The following ZNF782 variants were observed in gnomAD, a reference collection of about 807,000 sequenced individuals.
ZNF782 encodes the protein zinc finger protein 782.
ZNF782 carries 12 observed loss-of-function variants against 13.0 expected under a neutral mutation model. That is an observed-to-expected ratio of 0.92 (90% CI 0.59 to 1.50). The LOEUF (loss-of-function observed/expected upper bound fraction) is 1.50, where lower values mean the gene tolerates loss of function less well. Ranked by LOEUF, ZNF782 falls within the 40% of genes most tolerant of loss-of-function variation. The pLI, the probability that ZNF782 is intolerant of heterozygous loss-of-function variation, is 0.00. For missense variants in ZNF782, 770 were observed against 822.9 expected, an observed-to-expected ratio of 0.94 and a Z score of 0.79; for synonymous variants, 284 against 283.0, an observed-to-expected ratio of 1.00 and a Z score of -0.04.
chr9:96,884,079 C>A, the ZNF782 span, among the ~76,000 whole-genome samples: 2 of 152,224 alleles, frequency 1.3e-5, no homozygotes. Context: ...CCTGTGGAAG[C>A]AAGCAAGGGA....
chr9:96,870,310 G>T (rs1312779996), intron 1 of ZNF782, among the ~76,000 whole-genome samples: 1 of 152,176 alleles, frequency 6.6e-6, no homozygotes, highest in Non-Finnish European at 1.5e-5. Context: ...AAAGGAAAAG[G>T]TCTTTGAGTT....
chr9:96,818,341 G>C lies in ZNF782; in HGVS notation c.1682C>G (p.Pro561Arg). Reference sequence around the variant, plus strand: ...TTCCCCACAATGATTACATTTATAGGGTTTTTCCCCTGTGTGAATTCTATG... The same window carrying C: ...TTCCCCACAATGATTACATTTATAGCGTTTTTCCCCTGTGTGAATTCTATG... ...GHHRIHTGEKPYKCNHCGEAF... is the reference protein window; with the variant it reads ...GHHRIHTGEKRYKCNHCGEAF... The change falls in exon 6 of 6, where the codon CCC becomes CGC. Residue 561 changes from proline to arginine, a missense_variant. Transcript: ENST00000481138. The C allele has an allele frequency of 6.2e-7, 1 of 1,614,028 alleles. No homozygotes were observed. The highest frequency in any genetic ancestry group is 8.5e-7 in the Non-Finnish European group (1 of 1,180,000).
the ZNF782 span, chr9:96,889,218 G>A: frequency 1.3e-5 from 2 of 152,156 alleles, no homozygotes; most frequent in African/African-American, 4.8e-5. Flanking sequence ...TGGACGCTCA[G>A]TAGCACCCTT....
chr9:96,901,879 A>G, the ZNF782 span, among the ~76,000 whole-genome samples: 1 of 150,266 alleles, frequency 6.7e-6, no homozygotes, highest in African/African-American at 2.4e-5. Flanking sequence ...CAAAAAAAAA[A>G]AAAAAAAAAA....
At chr9:96,829,366 C>A (rs1000829853) in intron 4 of ZNF782, among the ~76,000 whole-genome samples, 1 of 151,842 alleles carries the variant, frequency 6.6e-6, no homozygotes, top group Non-Finnish European at 1.5e-5. Context: ...ATATAAATAG[C>A]ACATATAAAG....
intron 4 of ZNF782, among the ~76,000 whole-genome samples, chr9:96,838,774 G>A (rs1202001171): frequency 6.7e-6 from 1 of 149,308 alleles, no homozygotes; most frequent in Non-Finnish European, 1.5e-5. Context: ...GGAGTGCAGT[G>A]GAGTGATCTT....
intron 3 of ZNF782, among the ~76,000 whole-genome samples, chr9:96,847,327 A>G (rs1277533930): frequency 6.6e-6 from 1 of 152,196 alleles, no homozygotes; most frequent in African/African-American, 2.4e-5. Context: ...TAAAGATCAA[A>G]GTAGAACTAA....
the ZNF782 span, chr9:96,892,166 T>C: frequency 6.6e-6 from 1 of 152,208 alleles, no homozygotes; most frequent in Non-Finnish European, 1.5e-5. Flanking sequence ...CCTGGGTATA[T>C]GCCCTTGTTG....
the ZNF782 span, among the ~76,000 whole-genome samples, chr9:96,903,557 T>TTG: frequency 0.11 from 610 of 5,378 alleles, 10 homozygotes; most frequent in African/African-American, 0.13. Context: ...TTTATGTTGG[T>TTG]TTTTTTTTTT....
At chr9:96,877,621 C>A (rs367683676), upstream of ZNF782, among the ~76,000 whole-genome samples, 2 of 152,244 alleles carry the variant, frequency 1.3e-5, no homozygotes, top group African/African-American at 4.8e-5. Context: ...CTGGGGGCCC[C>A]GTGGGCTGGG....
the ZNF782 span, among the ~76,000 whole-genome samples, chr9:96,883,492 A>G: frequency 6.6e-6 from 1 of 152,068 alleles, no homozygotes; most frequent in African/African-American, 2.4e-5. Context: ...CAGGATAGGG[A>G]CAACAAAGGT....
At chr9:96,876,943 C>CAAAAAAA (rs398011569), upstream of ZNF782, among the ~76,000 whole-genome samples, 175 of 42,834 alleles carry the variant, frequency 4.1e-3, 1 homozygote, top group Non-Finnish European at 5.0e-3. Context: ...AACTCCGACT[C>CAAAAAAA]AAAAAAAAAA....
upstream of ZNF782, among the ~76,000 whole-genome samples, chr9:96,880,515 C>T (rs1366320317): frequency 6.6e-6 from 1 of 152,160 alleles, no homozygotes; most frequent in Non-Finnish European, 1.5e-5. Flanking sequence ...TGGTCAAATG[C>T]TTTTGCCGCA....
rs759492939 is a variant in ZNF782 at position 96,844,859 on chromosome 9, T to C, written c.142+31A>G. ...AGAGAGGAGAAACAGAACTGCACTC[T>C]GGAGGGAACCCCATGGTAAGCTGTG... On this transcript the variant is annotated intron_variant, in intron 4 of 5. Transcript: ENST00000481138. The C allele has an allele frequency of 5.1e-5, 83 of 1,613,654 alleles. 2 individuals are homozygous for C. The South Asian group carries it at 8.8e-4, about 17-fold the overall frequency.
At chr9:96,853,454 G>C (rs1851561042) in intron 1 of ZNF782, among the ~76,000 whole-genome samples, 1 of 152,134 alleles carries the variant, frequency 6.6e-6, no homozygotes, top group Non-Finnish European at 1.5e-5. Context: ...TTCCCACCTC[G>C]CAAGGGCTGC....
the ZNF782 span, among the ~76,000 whole-genome samples, chr9:96,920,888 C>T: frequency 6.9e-6 from 1 of 145,272 alleles, no homozygotes; most frequent in African/African-American, 2.8e-5. Flanking sequence ...GCACTCCAGC[C>T]CAGGCAACAG....
the ZNF782 span, among the ~76,000 whole-genome samples, chr9:96,912,024 A>G: frequency 1.3e-5 from 2 of 150,682 alleles, no homozygotes; most frequent in African/African-American, 4.9e-5. Flanking sequence ...ACATGGGGAA[A>G]CCCTATCACT....
the ZNF782 span, chr9:96,875,467 C>CA (rs1429778977): frequency 4.4e-6 from 2 of 456,596 alleles, no homozygotes; most frequent in Non-Finnish European, 8.8e-6. Flanking sequence ...CCCCCGCTTA[C>CA]AGGTAATAAA....
the ZNF782 span, chr9:96,933,800 C>G: frequency 1.3e-5 from 2 of 152,702 alleles, no homozygotes; most frequent in Admixed American, 6.5e-5. Context: ...CACACCCACT[C>G]TTCTGCCGCG....
Sources: gnomAD v4.1 joint callset for allele counts (sites outside exome capture counted in the v4.1 genomes callset) on GRCh38, gnomAD v4.1.1 for gene constraint, MANE v1.5 for transcripts, NCBI Gene and HGNC (gene_info 2026-07-23, HGNC 2026-07-21) for gene names.